MALRD1: variants seen among roughly 807,000 people sequenced by gnomAD.
MALRD1 encodes MAM and LDL receptor class A domain containing 1, also known as MAM and LDL-receptor class A domain-containing protein 1.
In MALRD1, 247 loss-of-function variants were observed where a neutral mutation model predicts 242.1. The observed-to-expected ratio is 1.02, with a 90% CI of 0.92 to 1.13. The LOEUF (loss-of-function observed/expected upper bound fraction) is 1.13. Among genes scored for constraint, MALRD1 ranks in the 50% most tolerant of loss-of-function variants. The probability of loss-of-function intolerance (pLI) is 0.00; values close to 1 mark genes in which losing one functional copy is unlikely to be tolerated. For synonymous variants in MALRD1, 995 were observed against 866.6 expected (o/e 1.15, Z -2.60); for missense variants, 2,989 against 2,533.1 (o/e 1.18, Z -3.86).
At chr10:19,279,721 C>G (rs1840711486) in intron 19 of MALRD1, among the ~76,000 whole-genome samples, 2 of 152,212 alleles carry the variant, frequency 1.3e-5, no homozygotes, top group Non-Finnish European at 2.9e-5. Context: ...TACTCTGGCT[C>G]TTAATTCCAG....
At chr10:19,252,141 G>A (rs1839317691) in intron 18 of MALRD1, among the ~76,000 whole-genome samples, 1 of 152,014 alleles carries the variant, frequency 6.6e-6, no homozygotes, top group African/African-American at 2.4e-5. Context: ...TTAAAATAAT[G>A]AATGGCAGCT....
At chr10:19,278,617 G>A (rs1024873204) in intron 19 of MALRD1, among the ~76,000 whole-genome samples, 1 of 151,932 alleles carries the variant, frequency 6.6e-6, no homozygotes, top group African/African-American at 2.4e-5. Flanking sequence ...TGCTTCCCTG[G>A]GGTTATATCT....
At chr10:19,151,843 G>A (rs1316340670) in intron 11 of MALRD1, among the ~76,000 whole-genome samples, 7 of 152,042 alleles carry the variant, frequency 4.6e-5, no homozygotes, top group Non-Finnish European at 8.8e-5. Flanking sequence ...AACCCCTCTT[G>A]CACTCCTGAA....
intron 28 of MALRD1, among the ~76,000 whole-genome samples, chr10:19,410,351 A>G (rs1833225791): frequency 6.6e-6 from 1 of 152,154 alleles, no homozygotes; most frequent in Non-Finnish European, 1.5e-5. Context: ...AACCACTCTG[A>G]ATGAACCTCA....
chr10:19,396,117 A>ATTCC (rs1846564839), intron 28 of MALRD1, among the ~76,000 whole-genome samples: 1 of 144,578 alleles, frequency 6.9e-6, no homozygotes, highest in East Asian at 2.0e-4. Context: ...TCATTCATTC[A>ATTCC]TTCCTTCGTT....
intron 22 of MALRD1, among the ~76,000 whole-genome samples, chr10:19,325,915 A>T (rs968004368): frequency 3.9e-5 from 6 of 152,068 alleles, no homozygotes; most frequent in Non-Finnish European, 7.4e-5. Flanking sequence ...AGTAGGTGCT[A>T]CCCTGACTCC....
At chr10:19,564,943 C>T (rs1836185392) in intron 32 of MALRD1, among the ~76,000 whole-genome samples, 1 of 152,050 alleles carries the variant, frequency 6.6e-6, no homozygotes, top group Admixed American at 6.6e-5. Flanking sequence ...TTATGAGTTC[C>T]TAAGTAATAC....
intron 21 of MALRD1, among the ~76,000 whole-genome samples, chr10:19,310,687 C>G (rs570777248): frequency 4.6e-5 from 7 of 151,518 alleles, no homozygotes; most frequent in Non-Finnish European, 1.5e-5. Context: ...GCCTACTTCT[C>G]TTATCCATGC....
chr10:19,532,747 G>GTGAGAA (rs1554794153), intron 32 of MALRD1, among the ~76,000 whole-genome samples: 6 of 151,632 alleles, frequency 4.0e-5, no homozygotes, highest in African/African-American at 1.2e-4. Flanking sequence ...TCCTGACTCT[G>GTGAGAA]TGTCTGTTTT....
intron 31 of MALRD1, among the ~76,000 whole-genome samples, chr10:19,504,685 T>C (rs1838123580): frequency 7.2e-6 from 1 of 139,140 alleles, no homozygotes; most frequent in Admixed American, 7.1e-5. Flanking sequence ...TTTTTTTTTT[T>C]TTTTTTTTGA....
intron 32 of MALRD1, among the ~76,000 whole-genome samples, chr10:19,539,857 CG>C (rs1834867125): frequency 7.9e-6 from 1 of 126,924 alleles, no homozygotes; most frequent in East Asian, 2.7e-4. Context: ...CAGCTTTGTG[CG>C]TGTGTGTGTG....
At chr10:19,681,843 T>C (rs536021891) in intron 36 of MALRD1, among the ~76,000 whole-genome samples, 16 of 141,808 alleles carry the variant, frequency 1.1e-4, no homozygotes, top group Admixed American at 1.1e-3. Flanking sequence ...ATGGGGTTTT[T>C]GTGGGGGAAT....
At chr10:19,368,762 C>A (rs1015043588) in intron 26 of MALRD1, among the ~76,000 whole-genome samples, 64 of 151,162 alleles carry the variant, frequency 4.2e-4, no homozygotes, top group African/African-American at 1.5e-3. Flanking sequence ...TTTTTCCATT[C>A]CTTTGTATCC....
chr10:19,177,801 C>G (rs1265582765), intron 14 of MALRD1, among the ~76,000 whole-genome samples: 1 of 152,116 alleles, frequency 6.6e-6, no homozygotes, highest in African/African-American at 2.4e-5. Flanking sequence ...GGAAACTTAG[C>G]AAAGCCTCTG....
At chr10:19,290,065 A>T (rs540661721) in intron 21 of MALRD1, among the ~76,000 whole-genome samples, 1 of 152,340 alleles carries the variant, frequency 6.6e-6, no homozygotes, top group Admixed American at 6.5e-5. Flanking sequence ...TGGTAGGAAT[A>T]TGTAGGGAAA....
At chr10:19,694,502 G>A (rs1833273183) in intron 38 of MALRD1, among the ~76,000 whole-genome samples, 1 of 152,216 alleles carries the variant, frequency 6.6e-6, no homozygotes, top group Non-Finnish European at 1.5e-5. Context: ...TCAGAGAAAT[G>A]TAAATCAAAA....
At chr10:19,546,417 CAAACTCTTGG>C in intron 32 of MALRD1, among the ~76,000 whole-genome samples, 1 of 152,298 alleles carries the variant, frequency 6.6e-6, no homozygotes, top group South Asian at 2.1e-4. Flanking sequence ...GGTCTCAGTA[CAAACTCTTGG>C]AAACTCCTGT....
intron 36 of MALRD1, among the ~76,000 whole-genome samples, chr10:19,616,453 G>A (rs1487150996): frequency 1.3e-5 from 2 of 151,870 alleles, no homozygotes; most frequent in Non-Finnish European, 1.5e-5. Context: ...TGATTTCTTT[G>A]GGGAAATATT....
At position 19,123,479 on chromosome 10, in the gene MALRD1, T is replaced by G; in HGVS notation, c.695-13T>G. On this transcript the variant is annotated splice_polypyrimidine_tract_variant and intron_variant, in intron 5 of 39. Transcript: ENST00000454679. ...CCTGCATTTCACTTCTTGCCAATCT[T>G]TAAATTTAACAGATGGAATTTTACT... 1 of 1,228,848 alleles carries G rather than the reference T, an allele frequency of 8.1e-7. No individual in the cohort carries two copies. 76.1% of individuals were successfully genotyped at this position (1,228,848 alleles called of 1,614,324 possible).
Sources: gnomAD v4.1 joint callset for allele counts (sites outside exome capture counted in the v4.1 genomes callset) on GRCh38, gnomAD v4.1.1 for gene constraint, MANE v1.5 for transcripts, NCBI Gene and HGNC (gene_info 2026-07-23, HGNC 2026-07-21) for gene names.